The following ITPKC variants were observed in gnomAD, a reference collection of about 807,000 sequenced individuals.
ITPKC encodes IP3 3-kinase C.
Under a neutral mutation model 67.1 loss-of-function variants are expected in ITPKC, and 33 were observed. That is an observed-to-expected ratio of 0.49 (90% CI 0.37 to 0.66). The LOEUF is 0.66. Among genes scored for constraint, ITPKC ranks in the 30% least tolerant of loss-of-function variants. The pLI, the probability that ITPKC is intolerant of heterozygous loss-of-function variation, is 0.00. For missense variants in ITPKC, 820 were observed against 892.1 expected, an observed-to-expected ratio of 0.92 and a Z score of 1.03; for synonymous variants, 341 against 359.8, an observed-to-expected ratio of 0.95 and a Z score of 0.59.
Position 40,717,582 on chromosome 19 carries a change from G to T in ITPKC, c.447G>T (p.Pro149=). The change falls in exon 1 of 7, where the codon CCG becomes CCT. Residue 149 remains proline (P), a synonymous_variant. Transcript: ENST00000263370. ...GGACAGATGGCCTTTGGACTGATCC[G>T]CACAGGTCCGACCTCCAGTTTCAGC... ...ETGTDGLWTD[P]HRSDLQFQPE... The T allele has an allele frequency of 6.2e-7, 1 of 1,614,122 alleles. No homozygotes were observed. The highest frequency in any genetic ancestry group is 8.5e-7 in the Non-Finnish European group (1 of 1,180,012).
Position 40,736,844 on chromosome 19 carries a change from A to T in ITPKC, c.1675-142A>T, listed in dbSNP as rs1483220175. 3.9e-4 allele frequency: 121 copies of T among 307,028 alleles called. No individual in the cohort carries two copies. Among genetic ancestry groups the T allele is most frequent in the Middle Eastern group, 9.4e-4 (1 of 1,066 alleles). The allele number at this position is 307,028 out of a possible 1,614,324, so 19.0% of individuals were successfully genotyped here. On this transcript the variant is annotated intron_variant, in intron 4 of 6. Transcript: ENST00000263370. ...CCACACCAGAATTTTTTTTTTTTTTAAATAGAGATGGGGTCTTGCTGTGTT... is the reference window on the plus strand; with the variant it reads ...CCACACCAGAATTTTTTTTTTTTTTTAATAGAGATGGGGTCTTGCTGTGTT...
intron 2 of ITPKC, among the ~76,000 whole-genome samples, chr19:40,727,228 G>A (rs1181253793): frequency 6.6e-6 from 1 of 152,056 alleles, no homozygotes. Context: ...CAGCTACTCG[G>A]GAGGCTGAGG....
At position 40,731,872 on chromosome 19, in the gene ITPKC, G is replaced by A. The variant is rs1288283617; in HGVS notation, c.1470-1288G>A. On this transcript the variant is annotated intron_variant, in intron 3 of 6. Coordinates refer to ENST00000263370, the MANE Select transcript of ITPKC (RefSeq NM_025194.3). ...GAGTCCTGCCTTGGGGCAGGTGAAA[G>A]GAGGGCAGGAGGAGGTCAGAGATTT... Among the ~76,000 whole-genome samples the A allele has an allele frequency of 2.6e-5, 4 of 152,234 alleles. No individual in the cohort carries two copies. The East Asian group carries it at 7.7e-4, about 29-fold the overall frequency.
rs1190229632 is a variant in ITPKC, at chr19:40,737,073, G to A, written c.1762G>A (p.Asp588Asn). The A allele has an allele frequency of 6.4e-7, 1 of 1,574,592 alleles. No individual in the cohort carries two copies. Among genetic ancestry groups the A allele is most frequent in the South Asian group, 1.2e-5 (1 of 86,666 alleles). ...AGTGCTGGAGGACTTCGTGGATGGA[G>A]ACCACGTCATCCTGGTGAGTGGGAC... ...TKVLEDFVDG[D>N]HVILQKYVAC... Residue 588 changes from aspartate (D) to asparagine (N), a missense_variant, in exon 5 of 7, where the codon GAC (aspartate) becomes AAC (asparagine). Coordinates refer to ENST00000263370, the MANE Select transcript of ITPKC (RefSeq NM_025194.3).
At chr19:40,733,850 A>G (rs1310540791) in intron 4 of ITPKC, among the ~76,000 whole-genome samples, 3 of 152,204 alleles carry the variant, frequency 2.0e-5, no homozygotes, top group Admixed American at 2.0e-4. Context: ...GGCCAGGAGT[A>G]GTTCAGGACT....
At position 40,729,349 on chromosome 19, in the gene ITPKC, A is replaced by G. The variant is rs2082260150; in HGVS notation, c.1403A>G (p.Asn468Ser). 1 of 1,614,164 alleles carries G rather than the reference A, an allele frequency of 6.2e-7. No homozygotes were observed. ...GMVLQDGQTF[N>S]QMEDLLADFE... ...GTGCTGCAGGATGGCCAGACCTTCA[A>G]CCAGATGGAAGACCTCCTGGCTGAC... The change falls in exon 3 of 7, where the codon AAC (asparagine) becomes AGC (serine). Residue 468 changes from asparagine to serine, a missense_variant. Asn to Ser is a conservative substitution (Grantham distance 46). This residue lies in a region of ITPKC where 339 missense variants were observed against 422.0 expected (regional missense o/e 0.80). Transcript: ENST00000263370.
rs763626955 is a variant in ITPKC, at chr19:40,729,431, C to T, written c.1469+16C>T. On this transcript the variant is annotated intron_variant, in intron 3 of 6. Transcript: ENST00000263370. ...TGGGCAGCAGGTGGGGCTGGGGCAG[C>T]CCTGGGGCAGGGATGGAGGGCAGGG... 1 of 1,605,804 alleles carries T rather than the reference C, an allele frequency of 6.2e-7. No homozygotes were observed. Among genetic ancestry groups the T allele is most frequent in the Admixed American group, 1.7e-5 (1 of 58,840 alleles).
intron 5 of ITPKC, 27 bp from the exon 6 acceptor site, chr19:40,737,671 A>G (rs771262579): frequency 6.2e-7 from 1 of 1,610,680 alleles, no homozygotes; most frequent in East Asian, 2.2e-5. Context: ...TCCCCATGCT[A>G]ACCAAAGAAC....
At chr19:40,729,139 G>A in intron 2 of ITPKC, 63 bp from the exon 3 acceptor site, 1 of 1,319,456 alleles carries the variant, frequency 7.6e-7, no homozygotes, top group Non-Finnish European at 1.1e-6. Flanking sequence ...CAAACAGGCA[G>A]CTGCGGAGAG....
At position 40,739,532 on chromosome 19, in the gene ITPKC, G is replaced by T. The variant is rs765237283; in HGVS notation, c.2024G>T (p.Cys675Phe). The change falls in exon 7 of 7, where the codon TGC becomes TTC. Residue 675 changes from cysteine to phenylalanine, a missense_variant. Transcript: ENST00000263370. Reference protein sequence around the residue: ...GYLWGLDNMICLLQGLAQS With the variant: ...GYLWGLDNMIFLLQGLAQS ...CTCTGGGGCCTGGACAACATGATCT[G>T]CCTCCTGCAGGGGCTGGCACAGAGC... is the stretch of plus-strand genomic sequence containing the variant. 2.5e-6 allele frequency: 4 copies of T among 1,613,620 alleles called. No homozygotes were observed. The South Asian group carries it at 4.4e-5, about 18-fold the overall frequency.
intron 4 of ITPKC, 75 bp downstream of exon 4, chr19:40,733,439 G>A (rs2082281086): frequency 7.0e-7 from 1 of 1,419,506 alleles, no homozygotes; most frequent in East Asian, 2.5e-5. Flanking sequence ...CTTGGGGAAA[G>A]CCACGAGAGA....
At position 40,734,781 on chromosome 19, in the gene ITPKC, G is replaced by T. The variant is rs141800127; in HGVS notation, c.1674+1417G>T. Among the ~76,000 whole-genome samples, 480 of 114,842 alleles carry T rather than the reference G, an allele frequency of 4.2e-3. 4 individuals carry two copies. Among genetic ancestry groups the T allele is most frequent in the African/African-American group, 6.4e-3 (192 of 29,990 alleles). The allele number at this position is 114,842 out of a possible 152,430, so 75.3% of individuals were successfully genotyped here. On this transcript the variant is annotated intron_variant, in intron 4 of 6. Coordinates refer to ENST00000263370, the MANE Select transcript of ITPKC (RefSeq NM_025194.3). Reference sequence around the variant, plus strand: ...GCACTACCATGCCTGGCTAATTGTTGTTTTTTTTTTTTTTTTTGAGACAGA... The same window carrying T: ...GCACTACCATGCCTGGCTAATTGTTTTTTTTTTTTTTTTTTTTGAGACAGA...
Position 40,717,368 on chromosome 19 carries a change from C to G in ITPKC, c.233C>G (p.Pro78Arg), listed in dbSNP as rs562651355. 6.2e-7 allele frequency: 1 copy of G among 1,612,554 alleles called. No homozygotes were observed. The highest frequency in any genetic ancestry group is 1.3e-5 in the African/African-American group (1 of 75,026). Residue 78 changes from proline (P) to arginine (R), a missense_variant, in exon 1 of 7, where the codon CCT (proline) becomes CGT (arginine). Around this residue, in one of 2 missense-constraint regions of ITPKC, gnomAD observed 481 missense variants for 470.1 expected, o/e 1.02. Coordinates refer to ENST00000263370, the MANE Select transcript of ITPKC (RefSeq NM_025194.3). ...GAGCCTGAGAGGGCCGGCCTCGGGC[C>G]TGCGCCGGGGACAGAGAGTCCGCAG... ...HSEPERAGLG[P>R]APGTESPQAE...
chr19:40,718,116 G>T lies in ITPKC; in HGVS notation c.981G>T (p.Val327=). The T allele has an allele frequency of 1.2e-6, 2 of 1,612,284 alleles. No homozygotes were observed. Among genetic ancestry groups the T allele is most frequent in the South Asian group, 2.2e-5 (2 of 91,064 alleles). The change falls in exon 1 of 7, where the codon GTG becomes GTT. Residue 327 remains valine, a synonymous_variant. Transcript: ENST00000263370. ...TGAAGTGTAGCCCCCTGTGCCCTGT[G>T]CCCCGCCTCATCATTACCCCTGAGA... is the stretch of plus-strand genomic sequence containing the variant. ...SHLKCSPLCP[V]PRLIITPETP...
intron 1 of ITPKC, among the ~76,000 whole-genome samples, chr19:40,723,651 C>T (rs1163723936): frequency 6.6e-6 from 1 of 152,038 alleles, no homozygotes; most frequent in Non-Finnish European, 1.5e-5. Flanking sequence ...TGTGTATCAC[C>T]ACGCCCGGCT....
At chr19:40,738,275 A>G (rs2082304586) in intron 6 of ITPKC, among the ~76,000 whole-genome samples, 1 of 152,056 alleles carries the variant, frequency 6.6e-6, no homozygotes, top group African/African-American at 2.4e-5. Flanking sequence ...AAAAAATACA[A>G]AAAATTAGCC....
rs749283590 is a variant in ITPKC, at chr19:40,717,387, T to C, written c.252T>C (p.Ser84=). 1.2e-6 allele frequency: 2 copies of C among 1,611,714 alleles called. No individual in the cohort carries two copies. The highest frequency in any genetic ancestry group is 2.2e-5 in the South Asian group (2 of 91,008). The change falls in exon 1 of 7, where the codon AGT becomes AGC. Residue 84 remains serine (S), a synonymous_variant. Transcript: ENST00000263370. ...AGLGPAPGTE[S]PQAEFWTDGQ... Reference sequence around the variant, plus strand: ...TCGGGCCTGCGCCGGGGACAGAGAGTCCGCAGGCAGAATTCTGGACAGACG... The same window carrying C: ...TCGGGCCTGCGCCGGGGACAGAGAGCCCGCAGGCAGAATTCTGGACAGACG...
At chr19:40,737,886 C>T (rs372361707) in intron 6 of ITPKC, 117 bp downstream of exon 6, 122 of 855,008 alleles carry the variant, frequency 1.4e-4, no homozygotes, top group Middle Eastern at 1.2e-3. Context: ...CGTTGTGGCC[C>T]GCACCTGTAA....
intron 4 of ITPKC, among the ~76,000 whole-genome samples, chr19:40,736,463 T>A (rs2082294718): frequency 1.3e-5 from 2 of 151,992 alleles, no homozygotes; most frequent in Non-Finnish European, 2.9e-5. Context: ...GTAAGCTGGC[T>A]TCCTCCTCTG....
Sources: allele counts gnomAD v4.1 joint callset (sites outside exome capture counted in the v4.1 genomes callset), GRCh38; gene constraint gnomAD v4.1.1; regional missense constraint gnomAD v4.1.1; transcripts MANE v1.5; gene names NCBI Gene and HGNC (gene_info 2026-07-23, HGNC 2026-07-21).